Variants in PLK5 observed in about 807,000 individuals in gnomAD.
PLK5 encodes the protein inactive serine/threonine-protein kinase PLK5.
In PLK5, 28 loss-of-function variants were observed where a neutral mutation model predicts 33.7. The ratio of observed to expected loss-of-function variants is 0.83; its 90% CI spans 0.62 to 1.14. PLK5 has a LOEUF of 1.14. PLK5 is among the 50% of genes most tolerant of loss of function. The pLI, the probability that PLK5 is intolerant of heterozygous loss-of-function variation, is 0.00. For synonymous variants in PLK5, 225 were observed against 202.2 expected (o/e 1.11, Z -0.96); for missense variants, 492 against 461.5 (o/e 1.07, Z -0.61).
intron 11 of PLK5, among the ~76,000 whole-genome samples, chr19:1,530,659 G>A (rs1281603453): frequency 5.3e-5 from 6 of 113,262 alleles, no homozygotes; most frequent in African/African-American, 6.7e-5. Flanking sequence ...TCACTCTGTC[G>A]CCCAGGCTGG....
chr19:1,531,911 G>A, intron 12 of PLK5, 28 bp downstream of exon 12: 2 of 1,431,988 alleles, frequency 1.4e-6, no homozygotes, highest in Non-Finnish European at 1.8e-6. Flanking sequence ...GTGCCCTGGG[G>A]GACCAGGCAC....
At chr19:1,531,668 A>G (rs2145546157) in intron 11 of PLK5, 70 bp from the exon 12 acceptor site, 2 of 1,489,572 alleles carry the variant, frequency 1.3e-6, no homozygotes, top group Non-Finnish European at 1.8e-6. Context: ...TCAGTCCATC[A>G]CATTTATTGA....
intron 6 of PLK5, among the ~76,000 whole-genome samples, chr19:1,527,704 G>T (rs1249421670): frequency 6.7e-6 from 1 of 148,318 alleles, no homozygotes; most frequent in Non-Finnish European, 1.5e-5. Context: ...ACCAAGCAGG[G>T]TCCATGGGAC....
chr19:1,531,838 G>A lies in PLK5; in HGVS notation c.669G>A (p.Gly223=), dbSNP rs562198618. The change falls in exon 12 of 14, where the codon GGG becomes GGA. Residue 223 remains glycine, a synonymous_variant. Coordinates refer to ENST00000454744, the MANE Select transcript of PLK5 (RefSeq NM_001243079.2). ...GCTTTGGCTACCAGCTCTTGGACGG[G>A]GGGCGCACGGGACGGCACCCACATG... The part of the protein sequence containing the change: ...KYGFGYQLLD[G]GRTGRHPHGP... 1 of 1,531,632 alleles carries A rather than the reference G, an allele frequency of 6.5e-7. No individual in the cohort carries two copies. The highest frequency in any genetic ancestry group is 8.7e-7 in the Non-Finnish European group (1 of 1,144,772). 94.9% of individuals were successfully genotyped at this position (1,531,632 alleles called of 1,614,324 possible).
chr19:1,532,769 G>T (rs1377081181), intron 12 of PLK5, among the ~76,000 whole-genome samples: 1 of 151,602 alleles, frequency 6.6e-6, no homozygotes, highest in Non-Finnish European at 1.5e-5. Context: ...TGATCCACCC[G>T]CCTCAGCCTC....
intron 9 of PLK5, 70 bp from the exon 10 acceptor site, chr19:1,529,336 G>A (rs1455270782): frequency 2.2e-6 from 3 of 1,355,022 alleles, no homozygotes; most frequent in Non-Finnish European, 3.0e-6. Flanking sequence ...GCCAGAGCCT[G>A]CCACCCACCT....
chr19:1,527,052 C>CGGGGGGGGG, intron 6 of PLK5, 54 bp downstream of exon 6: 2 of 842,662 alleles, frequency 2.4e-6, no homozygotes, highest in South Asian at 1.7e-5. Context: ...GCAGGTGTGG[C>CGGGGGGGGG]GGGGGGGGAG....
intron 3 of PLK5, among the ~76,000 whole-genome samples, chr19:1,526,247 C>T (rs1211921696): frequency 6.6e-6 from 1 of 152,116 alleles, no homozygotes; most frequent in African/African-American, 2.4e-5. Context: ...TGTTCACCCT[C>T]AAGGTGGTGC....
In PLK5 at chr19:1,535,253, C is replaced by T; in HGVS notation, c.*3C>T. 7 of 1,534,666 alleles carry T rather than the reference C, an allele frequency of 4.6e-6. No homozygotes were observed. Among genetic ancestry groups the T allele is most frequent in the Non-Finnish European group, 6.1e-6 (7 of 1,146,082 alleles). ...TCCGCATGCTGCAGAGTATCTAGTG[C>T]CCCTGAGGGTCAGAGTGGACCCCTG... On this transcript the variant is annotated 3_prime_UTR_variant, in exon 14 of 14. Coordinates refer to ENST00000454744, the MANE Select transcript of PLK5 (RefSeq NM_001243079.2).
At chr19:1,533,713 C>A (rs1009987136) in intron 12 of PLK5, 26 of 599,164 alleles carry the variant, frequency 4.3e-5, no homozygotes, top group Non-Finnish European at 6.0e-5. Flanking sequence ...TGTGTCCTGG[C>A]CCCAGCCAAG....
chr19:1,534,103 G>A, intron 13 of PLK5, 62 bp downstream of exon 13: 2 of 1,331,718 alleles, frequency 1.5e-6, no homozygotes, highest in South Asian at 1.3e-5. Flanking sequence ...GGCCTGCCTG[G>A]GCTGTTACGG....
At chr19:1,529,375 G>A (rs1434538441) in intron 9 of PLK5, 31 bp from the exon 10 acceptor site, 6 of 1,522,924 alleles carry the variant, frequency 3.9e-6, no homozygotes, top group Non-Finnish European at 4.4e-6. Context: ...TGGGGCCGGG[G>A]CCACCCCCAC....
Position 1,524,604 on chromosome 19 carries a change from TGTG to T in PLK5, c.-544+359_-544+361del, listed in dbSNP as rs1486450019. ...GTCTGGGTGCTGTGCGGTGTTCGTG[TGTG>T]TGTGTGTGTGTGTGTGTGTGTGTGT... On this transcript the variant is annotated intron_variant, in intron 1 of 13. Coordinates refer to ENST00000454744, the MANE Select transcript of PLK5 (RefSeq NM_001243079.2). This position sits in a 1 kb window ranked among gnomAD's most constrained non-coding sequence, Gnocchi z 4.5. Among the ~76,000 whole-genome samples the T allele has an allele frequency of 1.5e-4, 1 of 6,466 alleles. No homozygotes were observed. The highest frequency in any genetic ancestry group is 2.7e-4 in the Non-Finnish European group (1 of 3,716). 4.2% of individuals were successfully genotyped at this position (6,466 alleles called of 152,430 possible).
intron 11 of PLK5, 123 bp from the exon 12 acceptor site, chr19:1,531,615 C>A: frequency 3.3e-6 from 4 of 1,206,552 alleles, no homozygotes; most frequent in Non-Finnish European, 4.4e-6. Flanking sequence ...AGCCCCCAAG[C>A]CTCTGTCCGG....
At chr19:1,529,657 C>T in intron 10 of PLK5, 90 bp from the exon 11 acceptor site, 1 of 1,438,230 alleles carries the variant, frequency 7.0e-7, no homozygotes, top group Non-Finnish European at 9.5e-7. Context: ...TGAGATGTTC[C>T]TGGATGGAGC....
rs901742250 is a variant in PLK5, at chr19:1,526,570, C to T, written c.-228C>T. On this transcript the variant is annotated 5_prime_UTR_variant, in exon 4 of 14. Coordinates refer to ENST00000454744, the MANE Select transcript of PLK5 (RefSeq NM_001243079.2). Reference sequence around the variant, plus strand: ...CCTGCGGGGCCTGGTCAGCGGCCTGCGCTACCTGCACCAGCGGTGCATCCT... The same window carrying T: ...CCTGCGGGGCCTGGTCAGCGGCCTGTGCTACCTGCACCAGCGGTGCATCCT... 11 of 300,128 alleles carry T rather than the reference C, an allele frequency of 3.7e-5. No homozygotes were observed. The highest frequency in any genetic ancestry group is 5.2e-5 in the Non-Finnish European group (8 of 153,332). The allele number at this position is 300,128 out of a possible 1,614,324, so 18.6% of individuals were successfully genotyped here. A position where few individuals can be genotyped will look rare whatever the true frequency, so the allele number is the denominator to read the frequency against.
In PLK5 at chr19:1,531,795, A is replaced by G; in HGVS notation, c.626A>G (p.Asp209Gly). Reference protein sequence around the residue: ...QPILWAPKWVDYSSKYGFGYQ... With the variant: ...QPILWAPKWVGYSSKYGFGYQ... ...ATCCTCTGGGCCCCCAAATGGGTGG[A>G]TTATTCCAGCAAATACGGCTTTGGC... Residue 209 changes from aspartate (D) to glycine (G), a missense_variant, in exon 12 of 14, where the codon GAT (aspartate) becomes GGT (glycine). By Grantham distance (94) the Asp-to-Gly change is moderately conservative (BLOSUM62 -1). Coordinates refer to ENST00000454744, the MANE Select transcript of PLK5 (RefSeq NM_001243079.2). The G allele has an allele frequency of 1.3e-6, 2 of 1,535,610 alleles. No homozygotes were observed. The highest frequency in any genetic ancestry group is 1.7e-6 in the Non-Finnish European group (2 of 1,146,634).
At chr19:1,533,242 G>A (rs1166295898) in intron 12 of PLK5, among the ~76,000 whole-genome samples, 3 of 151,972 alleles carry the variant, frequency 2.0e-5, no homozygotes, top group African/African-American at 4.8e-5. Context: ...ACAGGCACCC[G>A]CCACCACGCC....
intron 11 of PLK5, among the ~76,000 whole-genome samples, chr19:1,530,604 ATTTTTTTTTT>A (rs759461067): frequency 2.7e-5 from 1 of 36,550 alleles, no homozygotes; most frequent in Non-Finnish European, 4.6e-5. Context: ...GCCTGGGCGC[ATTTTTTTTTT>A]TTTTTTTTTT....
Sources: gnomAD v4.1 joint callset for allele counts (sites outside exome capture counted in the v4.1 genomes callset) on GRCh38, gnomAD v4.1.1 for gene constraint, Gnocchi (gnomAD v3.1) non-coding constraint, MANE v1.5 for transcripts, NCBI Gene and HGNC (gene_info 2026-07-23, HGNC 2026-07-21) for gene names.